The following BRSK2 variants were observed in gnomAD, a reference collection of about 807,000 sequenced individuals.
BRSK2 encodes serine/threonine-protein kinase BRSK2.
BRSK2 carries 19 observed loss-of-function variants against 83.3 expected under a neutral mutation model. The ratio of observed to expected loss-of-function variants is 0.23; its 90% CI spans 0.16 to 0.33. BRSK2 has a LOEUF of 0.33. Ranked by LOEUF, BRSK2 falls within the 10% of genes least tolerant of loss-of-function variation. The pLI is 1.00. For missense variants in BRSK2, 798 were observed against 1,042.3 expected (o/e 0.77, Z 3.23); for synonymous variants, 519 against 435.4 (o/e 1.19, Z -2.39).
intron 18 of BRSK2, among the ~76,000 whole-genome samples, chr11:1,457,899 C>T (rs1846831621): frequency 6.6e-6 from 1 of 152,164 alleles, no homozygotes; most frequent in South Asian, 2.1e-4. Flanking sequence ...GAGTAGCCCC[C>T]TTCTCCTGAT....
chr11:1,402,549 C>T (rs540849130), intron 1 of BRSK2, among the ~76,000 whole-genome samples: 1 of 152,182 alleles, frequency 6.6e-6, no homozygotes, highest in Non-Finnish European at 1.5e-5. Context: ...CAGGGACTTG[C>T]CCCTCAGGCC....
At position 1,438,517 on chromosome 11, in the gene BRSK2, C is replaced by A; in HGVS notation, c.272+126C>A. The A allele has an allele frequency of 2.5e-6, 2 of 815,242 alleles. No homozygotes were observed. The highest frequency in any genetic ancestry group is 2.3e-5 in the Admixed American group (1 of 43,786). The allele number at this position is 815,242 out of a possible 1,614,324, so 50.5% of individuals were successfully genotyped here. A position where few individuals can be genotyped will look rare whatever the true frequency, so the allele number is the denominator to read the frequency against. On this transcript the variant is annotated intron_variant, in intron 3 of 19. Coordinates refer to ENST00000528841, the MANE Select transcript of BRSK2 (RefSeq NM_001256627.2). The surrounding 1 kb of genome is among the most constrained non-coding windows in gnomAD (Gnocchi z 6.4). ...GGGGCGCCTGCTGCATCCCAGCAGC[C>A]CTGGCCCTGCTAGCATGAACACCTG...
chr11:1,421,768 G>A (rs560736386), intron 1 of BRSK2, among the ~76,000 whole-genome samples: 31 of 152,266 alleles, frequency 2.0e-4, no homozygotes, highest in South Asian at 1.0e-3. Context: ...TGAGGAGGCC[G>A]AAGGGTCGGG....
intron 19 of BRSK2, among the ~76,000 whole-genome samples, chr11:1,460,035 T>C (rs1334263350): frequency 6.8e-6 from 1 of 148,092 alleles, no homozygotes; most frequent in African/African-American, 2.5e-5. Context: ...CCCTTGTCTT[T>C]ACGCTGTCAT....
rs1341588365 is a variant in BRSK2 at position 1,460,927 on chromosome 11, T to C, written c.*204T>C. 3 of 1,611,894 alleles carry C rather than the reference T, an allele frequency of 1.9e-6. No homozygotes were observed. The highest frequency in any genetic ancestry group is 1.7e-5 in the Admixed American group (1 of 59,964). On this transcript the variant is annotated 3_prime_UTR_variant, in exon 20 of 20. Coordinates refer to ENST00000528841, the MANE Select transcript of BRSK2 (RefSeq NM_001256627.2). ...TCTCTTTTCTCTCTGTCTCTGCCTCTGCCTGTCTCTGACAGCATCGCTTGT... is the reference window on the plus strand; with the variant it reads ...TCTCTTTTCTCTCTGTCTCTGCCTCCGCCTGTCTCTGACAGCATCGCTTGT...
chr11:1,447,712 A>G, intron 12 of BRSK2: 3 of 1,290,260 alleles, frequency 2.3e-6, no homozygotes, highest in Non-Finnish European at 3.3e-6. Flanking sequence ...TGGAGTTCTT[A>G]CCCGGTGTGG....
At chr11:1,403,890 C>T (rs1365154762) in intron 1 of BRSK2, among the ~76,000 whole-genome samples, 3 of 152,158 alleles carry the variant, frequency 2.0e-5, no homozygotes, top group East Asian at 1.9e-4. Context: ...GGGAGGCGGC[C>T]GGGCTCCAGG....
At chr11:1,405,775 C>G (rs1448947936) in intron 1 of BRSK2, among the ~76,000 whole-genome samples, 1 of 152,100 alleles carries the variant, frequency 6.6e-6, no homozygotes, top group Non-Finnish European at 1.5e-5. Flanking sequence ...TGAGTGTGGC[C>G]CCAGCCAGCA....
chr11:1,456,140 G>A (rs1320091287), intron 16 of BRSK2, among the ~76,000 whole-genome samples: 2 of 152,084 alleles, frequency 1.3e-5, no homozygotes, highest in Admixed American at 6.5e-5. Context: ...CCCGCTAAGT[G>A]GACCAAAGCT....
At position 1,443,557 on chromosome 11, in the gene BRSK2, C is replaced by A. The variant is rs772319187; in HGVS notation, c.702C>A (p.His234Gln). Residue 234 changes from histidine to glutamine, a missense_variant, in exon 8 of 20, where the codon CAC becomes CAA. Physicochemically the swap from His to Gln is conservative, Grantham distance 24. This residue lies in a region of BRSK2 where 145 missense variants were observed against 225.4 expected (regional missense o/e 0.64). Coordinates refer to ENST00000528841, the MANE Select transcript of BRSK2 (RefSeq NM_001256627.2). Reference protein sequence around the residue: ...LLEKVKRGVFHMPHFIPPDCQ... With the variant: ...LLEKVKRGVFQMPHFIPPDCQ... Reference sequence around the variant, plus strand: ...AGAAGGTGAAGCGGGGCGTGTTCCACATGCCGCACTTTATCCCGCCCGACT... The same window carrying A: ...AGAAGGTGAAGCGGGGCGTGTTCCAAATGCCGCACTTTATCCCGCCCGACT... 1.2e-6 allele frequency: 2 copies of A among 1,610,732 alleles called. No individual in the cohort carries two copies. The highest frequency in any genetic ancestry group is 1.7e-6 in the Non-Finnish European group (2 of 1,178,936).
At chr11:1,428,765 AGT>A (rs924328222) in intron 1 of BRSK2, among the ~76,000 whole-genome samples, 5 of 151,888 alleles carry the variant, frequency 3.3e-5, no homozygotes, top group Admixed American at 6.6e-5. Context: ...TATGTGCACG[AGT>A]GTGTGTGCAC....
chr11:1,420,618 C>G (rs1441288431), intron 1 of BRSK2, among the ~76,000 whole-genome samples: 1 of 152,172 alleles, frequency 6.6e-6, no homozygotes, highest in Non-Finnish European at 1.5e-5. Context: ...GCCTGGACCC[C>G]CTGTGACTCC....
chr11:1,440,839 G>A lies in BRSK2; in HGVS notation c.324G>A (p.Val108=), dbSNP rs1851126464. 2.5e-6 allele frequency: 4 copies of A among 1,601,858 alleles called. No homozygotes were observed. The highest frequency in any genetic ancestry group is 3.4e-6 in the Non-Finnish European group (4 of 1,174,158). The change falls in exon 4 of 20, where the codon GTG becomes GTA. Residue 108 remains valine, a synonymous_variant. Transcript: ENST00000528841. ...VSGGELFDYL[V]KKGRLTPKEA... is the part of the protein sequence containing the mutation. The stretch of plus-strand genomic sequence containing the variant: ...GTGGTGAGCTCTTCGACTACCTGGT[G>A]AAGAAGGGGAGGCTGACGCCTAAGG...
At position 1,460,439 on chromosome 11, in the gene BRSK2, TCCC is replaced by T. The variant is rs1847291031; in HGVS notation, c.1988-58_1988-56del. ...CTCCTTCCCTCCCCTCCTCTTTCTCTCCCCCTTTTTTTTCTTTTTTCCTTTTTT... is the reference window on the plus strand; with the variant it reads ...CTCCTTCCCTCCCCTCCTCTTTCTCTCCTTTTTTTTCTTTTTTCCTTTTTT... On this transcript the variant is annotated intron_variant, in intron 19 of 19. Coordinates refer to ENST00000528841, the MANE Select transcript of BRSK2 (RefSeq NM_001256627.2). The T allele has an allele frequency of 2.7e-6, 3 of 1,093,724 alleles. No homozygotes were observed. The East Asian group carries it at 1.1e-4, about 39-fold the overall frequency. The allele number at this position is 1,093,724 out of a possible 1,614,324, so 67.8% of individuals were successfully genotyped here.
In BRSK2 at chr11:1,445,079, G is replaced by A. The variant is rs550779668; in HGVS notation, c.812+77G>A. 15 of 1,569,496 alleles carry A rather than the reference G, an allele frequency of 9.6e-6. No individual in the cohort carries two copies. In the African/African-American group the frequency reaches 1.5e-4, roughly 16 times the overall value. On this transcript the variant is annotated intron_variant, in intron 9 of 19. Transcript: ENST00000528841. ...TGGAGGCCCTGCTAGGAAAGGCGGG[G>A]GGAGGGCGCCGGCCCAGCGCAGGTC...
intron 1 of BRSK2, among the ~76,000 whole-genome samples, chr11:1,416,524 C>T (rs1590388489): frequency 6.6e-6 from 1 of 152,186 alleles, no homozygotes; most frequent in Admixed American, 6.5e-5. Flanking sequence ...CCAACACGTT[C>T]CCCCGGCTTT....
Position 1,438,293 on chromosome 11 carries a change from C to A in BRSK2, c.187-13C>A, listed in dbSNP as rs201784178. 2.1e-5 allele frequency: 34 copies of A among 1,612,514 alleles called. 1 individual carries two copies. The highest frequency in any genetic ancestry group is 1.6e-4 in the Middle Eastern group (1 of 6,066). On this transcript the variant is annotated splice_polypyrimidine_tract_variant and intron_variant, in intron 2 of 19. Transcript: ENST00000528841. The surrounding 1 kb of genome is among the most constrained non-coding windows in gnomAD (Gnocchi z 6.4). ...CCCTGTGAGCGTGATGTTCTCTGGC[C>A]TCTCCCATGCAGGTGGAGCGGGAGA... is the stretch of plus-strand genomic sequence containing the variant.
At chr11:1,425,604 C>T (rs117354862) in intron 1 of BRSK2, among the ~76,000 whole-genome samples, 3,592 of 152,246 alleles carry the variant, frequency 0.024, 57 homozygotes, top group Non-Finnish European at 0.033. Flanking sequence ...CCAGGGGCCA[C>T]GGGAGGCTCT....
Position 1,457,357 on chromosome 11 carries a change from G to A in BRSK2, c.1939+670G>A, listed in dbSNP as rs567702013. Among the ~76,000 whole-genome samples, 15 of 152,348 alleles carry A rather than the reference G, an allele frequency of 9.8e-5. No homozygotes were observed. The South Asian group carries it at 2.7e-3, about 27-fold the overall frequency. ...GGGTCATGCCTCCAGCAGGGCAGAG[G>A]GGCTTGAGCCCAGCCAGAGCGGGGG... On this transcript the variant is annotated intron_variant, in intron 18 of 19. Coordinates refer to ENST00000528841, the MANE Select transcript of BRSK2 (RefSeq NM_001256627.2).
Sources: allele counts gnomAD v4.1 joint callset (sites outside exome capture counted in the v4.1 genomes callset), GRCh38; gene constraint gnomAD v4.1.1; regional missense constraint gnomAD v4.1.1; non-coding constraint Gnocchi (gnomAD v3.1); transcripts MANE v1.5; gene names NCBI Gene and HGNC (gene_info 2026-07-23, HGNC 2026-07-21).